PAWR: variants seen among roughly 807,000 people sequenced by gnomAD.
PAWR encodes the protein PRKC apoptosis WT1 regulator protein.
A neutral mutation model predicts 32.0 loss-of-function variants in PAWR; 23 were observed. That is an observed-to-expected ratio of 0.72 (90% CI 0.52 to 1.02). The LOEUF is 1.02. PAWR is among the 50% of genes least tolerant of loss of function. PAWR has a pLI of 0.00. For missense variants in PAWR, 457 were observed against 437.7 expected, an observed-to-expected ratio of 1.04 and a Z score of -0.39; for synonymous variants, 226 against 187.1, an observed-to-expected ratio of 1.21 and a Z score of -1.70.
At chr12:79,625,902 G>T (rs1279620356) in intron 2 of PAWR, among the ~76,000 whole-genome samples, 1 of 151,656 alleles carries the variant, frequency 6.6e-6, no homozygotes, top group African/African-American at 2.4e-5. Flanking sequence ...GTATGGGCCG[G>T]GCACAGTGGT....
At position 79,690,333 on chromosome 12, in the gene PAWR, A is replaced by C. The variant is rs1878949919; in HGVS notation, c.-89T>G. 6 of 1,358,472 alleles carry C rather than the reference A, an allele frequency of 4.4e-6. No homozygotes were observed. The highest frequency in any genetic ancestry group is 5.7e-6 in the Non-Finnish European group (6 of 1,059,602). 84.2% of individuals were successfully genotyped at this position (1,358,472 alleles called of 1,614,324 possible). ...CCTCTTCCTTCCTGCGGCCCCGAGG[A>C]TGCCAGGAGACGACCTCCAGGAGAG... On this transcript the variant is annotated 5_prime_UTR_variant, in exon 2 of 7. Coordinates refer to ENST00000328827, the MANE Select transcript of PAWR (RefSeq NM_002583.4).
chr12:79,632,357 ATATATTTT>A lies in PAWR; in HGVS notation c.517-11158_517-11151del, dbSNP rs1566011191. Among the ~76,000 whole-genome samples the A allele has an allele frequency of 5.1e-4, 9 of 17,720 alleles. 1 individual carries two copies. In the South Asian group the frequency reaches 0.01, roughly 20 times the overall value. 11.6% of individuals were successfully genotyped at this position (17,720 alleles called of 152,430 possible). ...TATATATATATATATATATATATAT[ATATATTTT>A]TTTTTTTTTTTAGACAGGGTCTTGG... On this transcript the variant is annotated intron_variant, in intron 2 of 6. Coordinates refer to ENST00000328827, the MANE Select transcript of PAWR (RefSeq NM_002583.4).
intron 2 of PAWR, among the ~76,000 whole-genome samples, chr12:79,632,870 A>G (rs1041073974): frequency 6.6e-6 from 1 of 152,098 alleles, no homozygotes; most frequent in South Asian, 2.1e-4. Flanking sequence ...ACGGTGGCTC[A>G]TGGCTGTAAT....
intron 2 of PAWR, among the ~76,000 whole-genome samples, chr12:79,653,125 C>A (rs1246029159): frequency 2.0e-5 from 3 of 152,042 alleles, no homozygotes; most frequent in Non-Finnish European, 4.4e-5. Context: ...CTCACTGCAA[C>A]CTCCACCTCC....
At chr12:79,688,575 G>A (rs11114215) in intron 2 of PAWR, 1 of 151,090 alleles carries the variant, frequency 6.6e-6, no homozygotes, top group Non-Finnish European at 1.5e-5. Flanking sequence ...GCAAACCGCA[G>A]AGGACAGTTT....
At chr12:79,660,076 C>G (rs898751225) in intron 2 of PAWR, among the ~76,000 whole-genome samples, 1 of 152,168 alleles carries the variant, frequency 6.6e-6, no homozygotes, top group Non-Finnish European at 1.5e-5. Flanking sequence ...GCAGATAAAA[C>G]TAGCCATTAA....
At chr12:79,666,252 T>A (rs1032456767) in intron 2 of PAWR, among the ~76,000 whole-genome samples, 1 of 152,180 alleles carries the variant, frequency 6.6e-6, no homozygotes, top group Non-Finnish European at 1.5e-5. Flanking sequence ...AGCTTCTGTC[T>A]CCTTAAAGGA....
At chr12:79,654,437 T>C (rs1876999066) in intron 2 of PAWR, among the ~76,000 whole-genome samples, 2 of 151,364 alleles carry the variant, frequency 1.3e-5, no homozygotes, top group Admixed American at 6.6e-5. Flanking sequence ...TTTTGTACCC[T>C]GTCCAAAAGC....
intron 3 of PAWR, among the ~76,000 whole-genome samples, chr12:79,613,954 T>C (rs1566002543): frequency 4.5e-4 from 3 of 6,598 alleles, no homozygotes; most frequent in African/African-American, 2.5e-3. Context: ...TATATATATA[T>C]ATATATATAT....
chr12:79,596,505 C>A lies in PAWR; in HGVS notation c.831+6G>T. 2 of 1,458,790 alleles carry A rather than the reference C, an allele frequency of 1.4e-6. No homozygotes were observed. Among genetic ancestry groups the A allele is most frequent in the Non-Finnish European group, 1.9e-6 (2 of 1,056,048 alleles). The allele number at this position is 1,458,790 out of a possible 1,614,324, so 90.4% of individuals were successfully genotyped here. A position where few individuals can be genotyped will look rare whatever the true frequency, so the allele number is the denominator to read the frequency against. The stretch of plus-strand genomic sequence containing the variant: ...TTATCAATCTTAAATAACTTATAAT[C>A]CATACCTTTTCAAGATCTTCAATTT... On this transcript the variant is annotated splice_donor_region_variant and intron_variant, in intron 5 of 6. Coordinates refer to ENST00000328827, the MANE Select transcript of PAWR (RefSeq NM_002583.4).
At position 79,639,881 on chromosome 12, in the gene PAWR, T is replaced by TTCCATTCCATTCC. The variant is rs1876215099; in HGVS notation, c.517-18675_517-18674insGGAATGGAATGGA. 1.3e-3 allele frequency among the ~76,000 whole-genome samples: 141 copies of TTCCATTCCATTCC among 112,498 alleles called. 1 individual carries two copies. The highest frequency in any genetic ancestry group is 6.1e-3 in the African/African-American group (121 of 19,750). 73.8% of individuals were successfully genotyped at this position (112,498 alleles called of 152,430 possible). On this transcript the variant is annotated intron_variant, in intron 2 of 6. Coordinates refer to ENST00000328827, the MANE Select transcript of PAWR (RefSeq NM_002583.4). The stretch of plus-strand genomic sequence containing the variant: ...CTATTCCTATTCCTATTCCTATTCC[T>TTCCATTCCATTCC]ATTCCATTCCATTCCATTCCATTCC...
chr12:79,595,076 T>C (rs769257359), intron 5 of PAWR, among the ~76,000 whole-genome samples: 14 of 152,156 alleles, frequency 9.2e-5, no homozygotes, highest in Non-Finnish European at 1.6e-4. Flanking sequence ...TATTTTTTAA[T>C]GGGTATCTTG....
intron 2 of PAWR, among the ~76,000 whole-genome samples, chr12:79,660,274 C>G (rs1877285657): frequency 1.3e-5 from 2 of 152,164 alleles, no homozygotes; most frequent in African/African-American, 4.8e-5. Flanking sequence ...CTAGGGCAAT[C>G]TTCATAGTGG....
chr12:79,642,449 A>C (rs1876371362), intron 2 of PAWR, among the ~76,000 whole-genome samples: 1 of 152,062 alleles, frequency 6.6e-6, no homozygotes, highest in African/African-American at 2.4e-5. Flanking sequence ...ACAGAATTTT[A>C]TTTTCTCACA....
chr12:79,636,401 G>C (rs2136758273), intron 2 of PAWR, among the ~76,000 whole-genome samples: 1 of 152,120 alleles, frequency 6.6e-6, no homozygotes, highest in South Asian at 2.1e-4. Context: ...AACAACTCTT[G>C]AACAGTAGGG....
chr12:79,634,061 G>C lies in PAWR; in HGVS notation c.517-12854C>G, dbSNP rs147536878. Among the ~76,000 whole-genome samples the C allele has an allele frequency of 4.1e-3, 623 of 152,196 alleles. 12 individuals carry two copies. The highest frequency in any genetic ancestry group is 0.014 in the African/African-American group (590 of 41,528). On this transcript the variant is annotated intron_variant, in intron 2 of 6. Coordinates refer to ENST00000328827, the MANE Select transcript of PAWR (RefSeq NM_002583.4). ...TCATTATATGATTCTCCTTACATCT[G>C]TATATGATTGAAATCCCCAAATACA...
chr12:79,689,490 G>A (rs1180747728), intron 2 of PAWR, among the ~76,000 whole-genome samples: 1 of 152,180 alleles, frequency 6.6e-6, no homozygotes, highest in African/African-American at 2.4e-5. Context: ...AAGGATCCTG[G>A]ATCTGAGACC....
chr12:79,660,702 G>A (rs1379988248), intron 2 of PAWR, among the ~76,000 whole-genome samples: 1 of 150,510 alleles, frequency 6.6e-6, no homozygotes, highest in Non-Finnish European at 1.5e-5. Context: ...TCCTGCCTCA[G>A]TCTCCCGAGT....
chr12:79,660,139 A>T (rs1877280849), intron 2 of PAWR, among the ~76,000 whole-genome samples: 1 of 152,234 alleles, frequency 6.6e-6, no homozygotes, highest in African/African-American at 2.4e-5. Context: ...TGTTAACAGT[A>T]CTTGGAGCTT....
Sources: gnomAD v4.1 joint callset for allele counts (sites outside exome capture counted in the v4.1 genomes callset) on GRCh38, gnomAD v4.1.1 for gene constraint, MANE v1.5 for transcripts, NCBI Gene and HGNC (gene_info 2026-07-23, HGNC 2026-07-21) for gene names.